The following OSBP2 variants were observed in gnomAD, a reference collection of about 807,000 sequenced individuals.
OSBP2 encodes the protein oxysterol binding protein 2.
A neutral mutation model predicts 96.0 loss-of-function variants in OSBP2; 66 were observed. That is an observed-to-expected ratio of 0.69 (90% confidence interval 0.56 to 0.84). The LOEUF (loss-of-function observed/expected upper bound fraction) is 0.84, where lower values mean the gene tolerates loss of function less well. OSBP2 is among the 40% of genes least tolerant of loss of function. The pLI, the probability that OSBP2 is intolerant of heterozygous loss-of-function variation, is 0.00. For missense variants in OSBP2, 1,038 were observed against 1,222.7 expected (o/e 0.85, Z 2.25); for synonymous variants, 525 against 520.9 (o/e 1.01, Z -0.11).
intron 12 of OSBP2, chr22:30,902,128 A>AG (rs2040220685): frequency 1.1e-5 from 2 of 179,762 alleles, no homozygotes; most frequent in Non-Finnish European, 2.0e-5. Flanking sequence ...AAAAAAACGA[A>AG]AAAAAAAAAA....
At chr22:30,860,152 T>A (rs2039180553) in intron 2 of OSBP2, among the ~76,000 whole-genome samples, 1 of 152,112 alleles carries the variant, frequency 6.6e-6, no homozygotes, top group South Asian at 2.1e-4. Context: ...AGCTGATTAG[T>A]TAAAAAAATA....
In OSBP2 at chr22:30,771,310, T is replaced by C. The variant is rs1206186770; in HGVS notation, c.853+29941T>C. On this transcript the variant is annotated intron_variant, in intron 2 of 13. Transcript: ENST00000332585. ...GACAGGCAGGCATGACAACCATAGA[T>C]TGTGGAAGAGAAACTTTGGAAGACA... Among the ~76,000 whole-genome samples the C allele has an allele frequency of 2.0e-5, 3 of 152,012 alleles. No individual in the cohort carries two copies. The South Asian group carries it at 6.2e-4, about 32-fold the overall frequency.
chr22:30,725,063 C>G (rs532564568), intron 1 of OSBP2, among the ~76,000 whole-genome samples: 1 of 151,816 alleles, frequency 6.6e-6, no homozygotes, highest in South Asian at 2.1e-4. Flanking sequence ...GTAGTCCCAG[C>G]TACTCGGGAG....
At chr22:30,743,135 G>A (rs921247804) in intron 2 of OSBP2, among the ~76,000 whole-genome samples, 1 of 152,230 alleles carries the variant, frequency 6.6e-6, no homozygotes, top group Non-Finnish European at 1.5e-5. Context: ...TGAGAAGGGG[G>A]CACAGCCCCT....
chr22:30,766,909 G>A (rs893253404), intron 2 of OSBP2, among the ~76,000 whole-genome samples: 3 of 152,006 alleles, frequency 2.0e-5, no homozygotes, highest in Admixed American at 2.0e-4. Context: ...TCCTGAGGGC[G>A]CACTGCAGTC....
upstream of OSBP2, chr22:30,694,178 T>A (rs1484389338): frequency 1.9e-6 from 3 of 1,550,320 alleles, no homozygotes; most frequent in Admixed American, 5.9e-5. Context: ...AAACGCTTGG[T>A]TTACAAAAAG....
In OSBP2 at chr22:30,890,905, C is replaced by T. The variant is rs1267999132; in HGVS notation, c.1801C>T (p.Pro601Ser). The T allele has an allele frequency of 1.9e-6, 3 of 1,613,222 alleles. No homozygotes were observed. The highest frequency in any genetic ancestry group is 2.2e-5 in the East Asian group (1 of 44,894). The change falls in exon 8 of 14, where the codon CCC (proline) becomes TCC (serine). Residue 601 changes from proline (P) to serine (S), a missense_variant. Pro to Ser is a moderately conservative substitution (Grantham distance 74). Around this residue, in one of 3 missense-constraint regions of OSBP2, gnomAD observed 737 missense variants for 913.3 expected, o/e 0.81. Coordinates refer to ENST00000332585, the MANE Select transcript of OSBP2 (RefSeq NM_030758.4). This position sits in a 1 kb window ranked among gnomAD's most constrained non-coding sequence, Gnocchi z 4.4. Reference sequence around the variant, plus strand: ...GCACCGCATCGCCAAGCCCTTCAACCCCATGCTGGGGGAGACCTTCGAGCT... The same window carrying T: ...GCACCGCATCGCCAAGCCCTTCAACTCCATGCTGGGGGAGACCTTCGAGCT... ...TVHRIAKPFNPMLGETFELDR... is the reference protein window; with the variant it reads ...TVHRIAKPFNSMLGETFELDR...
chr22:30,769,237 G>T (rs1233065910), intron 2 of OSBP2, among the ~76,000 whole-genome samples: 1 of 152,206 alleles, frequency 6.6e-6, no homozygotes, highest in African/African-American at 2.4e-5. Context: ...TTGAGTCACT[G>T]TGTGAACTTT....
At position 30,881,818 on chromosome 22, in the gene OSBP2, C is replaced by G; in HGVS notation, c.1108-5608C>G. Reference sequence around the variant, plus strand: ...TGGACACCAGGTGGGTGCATCCGGGCTGGGGGAGGTGGACGGGCTCTCTGC... The same window carrying G: ...TGGACACCAGGTGGGTGCATCCGGGGTGGGGGAGGTGGACGGGCTCTCTGC... On this transcript the variant is annotated intron_variant, in intron 3 of 13. Coordinates refer to ENST00000332585, the MANE Select transcript of OSBP2 (RefSeq NM_030758.4). This position sits in a 1 kb window ranked among gnomAD's most constrained non-coding sequence, Gnocchi z 4.5. 7.7e-7 allele frequency: 1 copy of G among 1,303,948 alleles called. No homozygotes were observed. 80.8% of individuals were successfully genotyped at this position (1,303,948 alleles called of 1,614,324 possible). A position where few individuals can be genotyped will look rare whatever the true frequency, so the allele number is the denominator to read the frequency against.
intron 2 of OSBP2, among the ~76,000 whole-genome samples, chr22:30,841,183 AAAAT>A (rs1269225123): frequency 6.6e-6 from 1 of 152,140 alleles, no homozygotes; most frequent in Non-Finnish European, 1.5e-5. Context: ...AAAAAAACAA[AAAAT>A]AAATAATAAA....
chr22:30,832,800 G>A (rs187212030), intron 2 of OSBP2, among the ~76,000 whole-genome samples: 8 of 152,312 alleles, frequency 5.3e-5, no homozygotes, highest in Admixed American at 5.2e-4. Flanking sequence ...AGGAAGGGGA[G>A]GTGACCCTGG....
chr22:30,748,245 G>A (rs1016121417), intron 2 of OSBP2, among the ~76,000 whole-genome samples: 2 of 151,722 alleles, frequency 1.3e-5, no homozygotes, highest in African/African-American at 4.8e-5. Context: ...GCAGTGGCGC[G>A]ATCTTGGCTC....
rs2039924846 is a variant in OSBP2 at position 30,890,613 on chromosome 22, C to T, written c.1624-115C>T. On this transcript the variant is annotated intron_variant, in intron 7 of 13. Coordinates refer to ENST00000332585, the MANE Select transcript of OSBP2 (RefSeq NM_030758.4). This position sits in a 1 kb window ranked among gnomAD's most constrained non-coding sequence, Gnocchi z 4.4. Reference sequence around the variant, plus strand: ...TGTTGGACAGGGCCATCTGAGGAGCCTCACTGTGAAGGTGCTGTCTGAGCA... The same window carrying T: ...TGTTGGACAGGGCCATCTGAGGAGCTTCACTGTGAAGGTGCTGTCTGAGCA... 2.6e-6 allele frequency: 3 copies of T among 1,173,984 alleles called. No individual in the cohort carries two copies. Among genetic ancestry groups the T allele is most frequent in the Non-Finnish European group, 3.7e-6 (3 of 819,638 alleles). 72.7% of individuals were successfully genotyped at this position (1,173,984 alleles called of 1,614,324 possible). A position where few individuals can be genotyped will look rare whatever the true frequency, so the allele number is the denominator to read the frequency against.
chr22:30,744,696 G>A (rs1379098901), intron 2 of OSBP2, among the ~76,000 whole-genome samples: 1 of 152,138 alleles, frequency 6.6e-6, no homozygotes, highest in East Asian at 1.9e-4. Context: ...TGGAGGCAGA[G>A]GTTGCTGTGA....
At chr22:30,846,766 A>T (rs536233572) in intron 2 of OSBP2, among the ~76,000 whole-genome samples, 4 of 152,276 alleles carry the variant, frequency 2.6e-5, no homozygotes, top group Non-Finnish European at 5.9e-5. Context: ...ATATTTCATC[A>T]TTGAACCAAC....
chr22:30,820,209 C>G (rs2091130754), intron 2 of OSBP2, among the ~76,000 whole-genome samples: 2 of 151,958 alleles, frequency 1.3e-5, no homozygotes. Flanking sequence ...GCAAGAACTT[C>G]ATCTCTACAA....
chr22:30,903,962 G>C (rs983644205), intron 12 of OSBP2, among the ~76,000 whole-genome samples: 2 of 152,252 alleles, frequency 1.3e-5, no homozygotes, highest in African/African-American at 4.8e-5. Flanking sequence ...TAGGTCTGAG[G>C]CTGCATCTTG....
At chr22:30,838,466 C>G (rs888294600) in intron 2 of OSBP2, among the ~76,000 whole-genome samples, 1 of 152,164 alleles carries the variant, frequency 6.6e-6, no homozygotes, top group Non-Finnish European at 1.5e-5. Flanking sequence ...ATTTCTTTTT[C>G]TTACGTTATT....
chr22:30,727,888 C>T (rs1378458379), intron 1 of OSBP2, among the ~76,000 whole-genome samples: 3 of 151,852 alleles, frequency 2.0e-5, no homozygotes, highest in Non-Finnish European at 4.4e-5. Context: ...GGGTGGATCA[C>T]AAGGTCAAGA....
Sources: gnomAD v4.1 joint callset for allele counts (sites outside exome capture counted in the v4.1 genomes callset) on GRCh38, gnomAD v4.1.1 for gene constraint, gnomAD v4.1.1 regional missense constraint, Gnocchi (gnomAD v3.1) non-coding constraint, MANE v1.5 for transcripts, NCBI Gene and HGNC (gene_info 2026-07-23, HGNC 2026-07-21) for gene names.